Variants in IQSEC1 observed in about 807,000 individuals in gnomAD.
IQSEC1 encodes the protein IQ motif and SEC7 domain-containing protein 1.
In IQSEC1, 31 loss-of-function variants were observed where a neutral mutation model predicts 91.0. The ratio of observed to expected loss-of-function variants is 0.34; its 90% confidence interval spans 0.26 to 0.46. The LOEUF is 0.46. IQSEC1 is among the 20% of genes least tolerant of loss of function. The pLI is 1.00. For missense variants in IQSEC1, 1,388 were observed against 1,575.6 expected (o/e 0.88, Z 2.02); for synonymous variants, 699 against 662.6 (o/e 1.05, Z -0.84).
Position 13,216,392 on chromosome 3 carries a change from AG to A in IQSEC1, c.273-52260del, listed in dbSNP as rs1285830075. Among the ~76,000 whole-genome samples, 8 of 152,222 alleles carry A rather than the reference AG, an allele frequency of 5.3e-5. 1 individual carries two copies. The highest frequency in any genetic ancestry group is 1.2e-4 in the Non-Finnish European group (8 of 68,034). ...CAGCAGGGGACAGGGGGCCCTCGGA[AG>A]GGGCCACTTGAGCCAGCCACATGAA... is the stretch of plus-strand genomic sequence containing the variant. On this transcript the variant is annotated intron_variant, in intron 1 of 15. Transcript: ENST00000648114.
chr3:12,942,143 G>A (rs536809865), intron 1 of IQSEC1, among the ~76,000 whole-genome samples: 7 of 152,290 alleles, frequency 4.6e-5, no homozygotes, highest in East Asian at 1.9e-4. Context: ...TCATCCACAT[G>A]CAAATGCCAG....
chr3:13,119,995 G>T (rs1337241625), intron 2 of IQSEC1, among the ~76,000 whole-genome samples: 2 of 152,232 alleles, frequency 1.3e-5, no homozygotes, highest in Admixed American at 1.3e-4. Context: ...CAGGGACCCA[G>T]AGAGAGCTCT....
intron 1 of IQSEC1, among the ~76,000 whole-genome samples, chr3:12,966,711 C>T (rs988677753): frequency 1.3e-5 from 2 of 152,174 alleles, no homozygotes; most frequent in Non-Finnish European, 2.9e-5. Context: ...CCACACTCTG[C>T]CACAAACAGC....
At chr3:13,157,675 AG>A (rs1707104638) in intron 2 of IQSEC1, among the ~76,000 whole-genome samples, 1 of 152,188 alleles carries the variant, frequency 6.6e-6, no homozygotes, top group Admixed American at 6.5e-5. Flanking sequence ...GACAGCCAAA[AG>A]GGCACACTCT....
At chr3:13,172,846 C>G (rs965452626) in intron 1 of IQSEC1, among the ~76,000 whole-genome samples, 3 of 152,028 alleles carry the variant, frequency 2.0e-5, no homozygotes, top group Admixed American at 1.3e-4. Context: ...CTGGGGAGGC[C>G]CCTTCACATC....
intron 2 of IQSEC1, among the ~76,000 whole-genome samples, chr3:13,084,971 T>TG (rs1240094293): frequency 2.0e-4 from 14 of 70,996 alleles, no homozygotes; most frequent in South Asian, 1.0e-3. Context: ...CGGGGTGGGG[T>TG]GGGGGGGCAA....
chr3:13,067,784 C>A (rs1705285827), intron 1 of IQSEC1, among the ~76,000 whole-genome samples: 1 of 152,244 alleles, frequency 6.6e-6, no homozygotes, highest in African/African-American at 2.4e-5. Context: ...CAGGATGGCA[C>A]ACAACCACCC....
chr3:12,982,830 C>T (rs1185396552), intron 1 of IQSEC1, among the ~76,000 whole-genome samples: 2 of 152,242 alleles, frequency 1.3e-5, no homozygotes, highest in African/African-American at 4.8e-5. Flanking sequence ...GCATCAGCCC[C>T]CATCTGCTGT....
chr3:13,046,461 G>A (rs1275376563), intron 1 of IQSEC1, among the ~76,000 whole-genome samples: 1 of 152,212 alleles, frequency 6.6e-6, no homozygotes, highest in African/African-American at 2.4e-5. Context: ...AGAGTCGGTC[G>A]CTCTGACATC....
intron 1 of IQSEC1, among the ~76,000 whole-genome samples, chr3:13,212,830 T>A (rs1338725095): frequency 1.3e-5 from 2 of 152,222 alleles, no homozygotes; most frequent in African/African-American, 2.4e-5. Context: ...TGGACACATG[T>A]CTATTCCAGT....
At chr3:13,217,273 C>T (rs1694567869) in intron 1 of IQSEC1, among the ~76,000 whole-genome samples, 1 of 152,204 alleles carries the variant, frequency 6.6e-6, no homozygotes, top group African/African-American at 2.4e-5. Context: ...AATGCATTCC[C>T]TTATCCATCT....
chr3:13,129,130 A>C (rs1369542591), intron 2 of IQSEC1, among the ~76,000 whole-genome samples: 1 of 152,158 alleles, frequency 6.6e-6, no homozygotes, highest in Non-Finnish European at 1.5e-5. Context: ...TCATTGTAAA[A>C]ATTTTAACTA....
At chr3:13,070,541 C>T (rs1705379396) in intron 1 of IQSEC1, among the ~76,000 whole-genome samples, 2 of 152,190 alleles carry the variant, frequency 1.3e-5, no homozygotes, top group Admixed American at 1.3e-4. Flanking sequence ...AGTGGGCCTG[C>T]CGCGGGTTCT....
intron 2 of IQSEC1, among the ~76,000 whole-genome samples, chr3:13,109,327 A>G (rs1331432819): frequency 6.6e-6 from 1 of 152,114 alleles, no homozygotes; most frequent in African/African-American, 2.4e-5. Flanking sequence ...GATGAAGGAA[A>G]TAAGGTGAAA....
chr3:13,075,612 C>G (rs979558591), upstream of IQSEC1, among the ~76,000 whole-genome samples: 1 of 152,336 alleles, frequency 6.6e-6, no homozygotes, highest in Middle Eastern at 3.4e-3. Context: ...ACGTACTCTC[C>G]TTTTCCTTCC....
chr3:13,063,163 G>A (rs992672123), intron 1 of IQSEC1, among the ~76,000 whole-genome samples: 10 of 152,130 alleles, frequency 6.6e-5, no homozygotes, highest in African/African-American at 1.2e-4. Context: ...CCGACACCAC[G>A]CCCAGCCTGG....
At chr3:13,228,612 T>A (rs1450671481) in intron 1 of IQSEC1, among the ~76,000 whole-genome samples, 1 of 152,252 alleles carries the variant, frequency 6.6e-6, no homozygotes, top group Non-Finnish European at 1.5e-5. Context: ...TTTGAAATCT[T>A]TAAAGCCTTA....
intron 2 of IQSEC1, among the ~76,000 whole-genome samples, chr3:13,080,972 A>T (rs1387409632): frequency 6.6e-6 from 1 of 152,280 alleles, no homozygotes; most frequent in East Asian, 1.9e-4. Context: ...AAAAGCTCAA[A>T]CAAATGTTAA....
At chr3:13,105,228 T>C (rs1376473314) in intron 2 of IQSEC1, among the ~76,000 whole-genome samples, 5 of 152,082 alleles carry the variant, frequency 3.3e-5, no homozygotes, top group African/African-American at 1.2e-4. Context: ...ACTGTTCCTC[T>C]AGGAAGTGGG....
Sources: allele counts gnomAD v4.1 joint callset (sites outside exome capture counted in the v4.1 genomes callset), GRCh38; gene constraint gnomAD v4.1.1; transcripts MANE v1.5; gene names NCBI Gene and HGNC (gene_info 2026-07-23, HGNC 2026-07-21).